RNF175: variants seen among roughly 807,000 people sequenced by gnomAD.
RNF175 encodes ring finger protein 175.
A neutral mutation model predicts 50.0 loss-of-function variants in RNF175; 38 were observed. The observed-to-expected ratio is 0.76, with a 90% CI of 0.59 to 1.00. The LOEUF is 1.00. Among genes scored for constraint, RNF175 ranks in the 50% least tolerant of loss-of-function variants. The pLI is 0.00. For missense variants in RNF175, 388 were observed against 409.6 expected, an observed-to-expected ratio of 0.95 and a Z score of 0.46; for synonymous variants, 155 against 146.1, an observed-to-expected ratio of 1.06 and a Z score of -0.44.
intron 3 of RNF175, among the ~76,000 whole-genome samples, chr4:153,738,839 A>T (rs970162994): frequency 3.6e-4 from 54 of 152,104 alleles, no homozygotes; most frequent in African/African-American, 1.2e-3. Flanking sequence ...TGGGTATTTT[A>T]TGAGATTCCA....
Position 153,759,802 on chromosome 4 carries a change from C to T in RNF175, c.61G>A (p.Glu21Lys), listed in dbSNP as rs79269237. Residue 21 changes from glutamate (E) to lysine (K), a missense_variant, in exon 1 of 9, where the codon GAG (glutamate) becomes AAG (lysine). Coordinates refer to ENST00000347063, the MANE Select transcript of RNF175 (RefSeq NM_173662.4). ...CCGCGCCCCCGCGCCAGTACCTGCT[C>T]CTGCTGCGGGGGGGCCTCCAGCACC... ...APVLEAPPQQ[E>K]QLSHTKLSAE... The T allele has an allele frequency of 0.049, 71,786 of 1,478,950 alleles. 2,597 individuals are homozygous for T. The highest frequency in any genetic ancestry group is 0.2 in the East Asian group (7,056 of 34,870). The allele number at this position is 1,478,950 out of a possible 1,614,324, so 91.6% of individuals were successfully genotyped here. A position where few individuals can be genotyped will look rare whatever the true frequency, so the allele number is the denominator to read the frequency against.
chr4:153,720,189 T>C lies in RNF175; in HGVS notation c.625A>G (p.Ile209Val). The C allele has an allele frequency of 6.2e-7, 1 of 1,613,692 alleles. No individual in the cohort carries two copies. The highest frequency in any genetic ancestry group is 1.1e-5 in the South Asian group (1 of 91,076). The change falls in exon 6 of 9, where the codon ATA becomes GTA. Residue 209 changes from isoleucine (I) to valine (V), a missense_variant. Physicochemically the swap from Ile to Val is conservative, Grantham distance 29. Coordinates refer to ENST00000347063, the MANE Select transcript of RNF175 (RefSeq NM_173662.4). ...AAAATGAAAGCAACACTTACCCCTA[T>C]AGTGGAAGCCATGTAGTCTGAGCAG... ...EICSDYMAST[I>V]GFYSVSRLPT...
Position 153,715,582 on chromosome 4 carries a change from C to T in RNF175, c.711G>A (p.Glu237=), listed in dbSNP as rs1737860765. 6.2e-7 allele frequency: 1 copy of T among 1,613,298 alleles called. No homozygotes were observed. ...TTTCAATGAGCCCTTCTTCATCAAG[C>T]TCCACAATGATCTTCTGCCCACAGA... ...CAVCGQKIIV[E]LDEEGLIENT... Residue 237 remains glutamate, a synonymous_variant, in exon 7 of 9, where the codon GAG becomes GAA. Coordinates refer to ENST00000347063, the MANE Select transcript of RNF175 (RefSeq NM_173662.4).
intron 5 of RNF175, 156 bp downstream of exon 5, chr4:153,723,195 G>T: frequency 4.5e-6 from 2 of 440,974 alleles, no homozygotes; most frequent in Non-Finnish European, 8.2e-6. Flanking sequence ...CTTTCTATTG[G>T]TTTTCCCCAG....
chr4:153,748,249 T>C (rs1312903620), intron 3 of RNF175, among the ~76,000 whole-genome samples: 1 of 152,222 alleles, frequency 6.6e-6, no homozygotes, highest in Non-Finnish European at 1.5e-5. Context: ...TTTCCTGGAC[T>C]GTTGGCAGAA....
At chr4:153,752,255 G>A (rs904615324) in intron 1 of RNF175, among the ~76,000 whole-genome samples, 1 of 152,250 alleles carries the variant, frequency 6.6e-6, no homozygotes, top group Non-Finnish European at 1.5e-5. Flanking sequence ...TGCCCCCAAA[G>A]CAGAAGTTAG....
At chr4:153,750,316 T>C (rs11099901) in intron 2 of RNF175, among the ~76,000 whole-genome samples, 1 of 151,928 alleles carries the variant, frequency 6.6e-6, no homozygotes, top group Non-Finnish European at 1.5e-5. Context: ...GGTATGTGGG[T>C]TGGGTTCTCT....
chr4:153,754,684 T>C (rs1740476857), intron 1 of RNF175, among the ~76,000 whole-genome samples: 1 of 152,188 alleles, frequency 6.6e-6, no homozygotes, highest in African/African-American at 2.4e-5. Context: ...ATCCAATGCC[T>C]AGTGTCCTTG....
At chr4:153,727,070 C>T (rs1738742150) in intron 4 of RNF175, among the ~76,000 whole-genome samples, 1 of 152,216 alleles carries the variant, frequency 6.6e-6, no homozygotes, top group Admixed American at 6.5e-5. Flanking sequence ...GCGAACCATT[C>T]TCATGGAAAT....
chr4:153,758,754 A>G (rs1740675516), intron 1 of RNF175, among the ~76,000 whole-genome samples: 2 of 151,024 alleles, frequency 1.3e-5, no homozygotes, highest in African/African-American at 2.4e-5. Context: ...GCCTTGTCCC[A>G]TGGCCATCCA....
intron 3 of RNF175, among the ~76,000 whole-genome samples, chr4:153,743,578 C>T (rs144260477): frequency 2.6e-4 from 39 of 152,240 alleles, no homozygotes; most frequent in African/African-American, 9.4e-4. Context: ...CTGGCTTTGT[C>T]AAAGTGCTAG....
At chr4:153,715,225 G>A in intron 7 of RNF175, 1 of 415,018 alleles carries the variant, frequency 2.4e-6, no homozygotes, top group Non-Finnish European at 4.6e-6. Context: ...TTGGCTATCT[G>A]CTCACTTATG....
intron 1 of RNF175, among the ~76,000 whole-genome samples, chr4:153,755,701 G>C (rs1740531394): frequency 6.8e-6 from 1 of 147,008 alleles, no homozygotes; most frequent in African/African-American, 2.5e-5. Context: ...CAGAGAAGAA[G>C]ATAACAGATG....
chr4:153,720,139 C>T (rs3213897), intron 6 of RNF175, 45 bp downstream of exon 6: 1 of 1,599,680 alleles, frequency 6.3e-7, no homozygotes, highest in East Asian at 2.2e-5. Context: ...GAGACCATTT[C>T]TCTTTGTGTC....
Position 153,710,237 on chromosome 4 carries a change from C to A in RNF175, c.*132G>T. On this transcript the variant is annotated 3_prime_UTR_variant, in exon 9 of 9. Transcript: ENST00000347063. ...TCTCTTTAAATTCTTTCCACATGGA[C>A]AAATTGCTTGACAACAAAGTTTACT... 1.5e-6 allele frequency: 1 copy of A among 655,264 alleles called. No individual in the cohort carries two copies. The highest frequency in any genetic ancestry group is 2.4e-6 in the Non-Finnish European group (1 of 409,752). The allele number at this position is 655,264 out of a possible 1,614,324, so 40.6% of individuals were successfully genotyped here.
chr4:153,753,984 C>T (rs914469695), intron 1 of RNF175, among the ~76,000 whole-genome samples: 6 of 151,064 alleles, frequency 4.0e-5, no homozygotes, highest in Non-Finnish European at 8.9e-5. Context: ...TCCTGGCTAA[C>T]ATGGTGAAAT....
At chr4:153,720,007 G>A (rs1242222050) in intron 6 of RNF175, among the ~76,000 whole-genome samples, 177 bp downstream of exon 6, 4 of 152,164 alleles carry the variant, frequency 2.6e-5, no homozygotes, top group African/African-American at 7.2e-5. Context: ...AGAATTTTTT[G>A]ATGAAAGGAG....
In RNF175 at chr4:153,760,005, G is replaced by T; in HGVS notation, c.-143C>A. 1 of 447,988 alleles carries T rather than the reference G, an allele frequency of 2.2e-6. No homozygotes were observed. Among genetic ancestry groups the T allele is most frequent in the South Asian group, 6.4e-5 (1 of 15,524 alleles). The allele number at this position is 447,988 out of a possible 1,614,324, so 27.8% of individuals were successfully genotyped here. On this transcript the variant is annotated 5_prime_UTR_variant, in exon 1 of 9. Transcript: ENST00000347063. ...GGCGGCGGAGCGGCGGCCCTGCCCG[G>T]GTTGTGCGGGGCGGGAGATGGGAGC...
At chr4:153,711,043 C>T (rs1193648503) in intron 8 of RNF175, among the ~76,000 whole-genome samples, 2 of 152,044 alleles carry the variant, frequency 1.3e-5, no homozygotes, top group South Asian at 2.1e-4. Flanking sequence ...TATTGAGTCT[C>T]AATAAAAGAG....
Sources: gnomAD v4.1 joint callset for allele counts (sites outside exome capture counted in the v4.1 genomes callset) on GRCh38, gnomAD v4.1.1 for gene constraint, MANE v1.5 for transcripts, NCBI Gene and HGNC (gene_info 2026-07-23, HGNC 2026-07-21) for gene names.